SND1: variants seen among roughly 807,000 people sequenced by gnomAD.
The protein encoded by SND1 is staphylococcal nuclease and tudor domain containing 1.
A neutral mutation model predicts 121.7 loss-of-function variants in SND1; 38 were observed. The ratio of observed to expected loss-of-function variants is 0.31; its 90% CI spans 0.24 to 0.41. The LOEUF (loss-of-function observed/expected upper bound fraction) is 0.41, where lower values mean the gene tolerates loss of function less well. Ranked by LOEUF, SND1 falls within the 10% of genes least tolerant of loss-of-function variation. The pLI is 1.00. For synonymous variants in SND1, 401 were observed against 447.4 expected (o/e 0.90, Z 1.31); for missense variants, 868 against 1,184.6 (o/e 0.73, Z 3.92).
At chr7:128,062,088 C>T (rs376463911) in intron 16 of SND1, among the ~76,000 whole-genome samples, 5 of 152,348 alleles carry the variant, frequency 3.3e-5, no homozygotes, top group East Asian at 3.9e-4. Context: ...GCTCCTTAGT[C>T]GGGTGAGAGG....
At chr7:127,849,321 C>A (rs1289022832) in intron 12 of SND1, among the ~76,000 whole-genome samples, 1 of 152,170 alleles carries the variant, frequency 6.6e-6, no homozygotes. Flanking sequence ...GTGACCTTTC[C>A]CTGTGCTGGA....
At chr7:127,949,868 G>A (rs1328309650) in intron 15 of SND1, among the ~76,000 whole-genome samples, 1 of 152,126 alleles carries the variant, frequency 6.6e-6, no homozygotes, top group Non-Finnish European at 1.5e-5. Context: ...CCTTTCCCTT[G>A]TCATTTGGTG....
chr7:127,794,509 T>C (rs1282094565), intron 10 of SND1, among the ~76,000 whole-genome samples: 6 of 152,220 alleles, frequency 3.9e-5, no homozygotes, highest in Non-Finnish European at 5.9e-5. Context: ...TTTAATATGG[T>C]GAAGAAAGGA....
intron 13 of SND1, among the ~76,000 whole-genome samples, chr7:127,892,334 T>C (rs1389405673): frequency 6.6e-6 from 1 of 152,070 alleles, no homozygotes; most frequent in Non-Finnish European, 1.5e-5. Context: ...GGAGACTAGA[T>C]GAGACAGAGG....
chr7:127,910,638 G>T (rs1800434717), intron 14 of SND1, among the ~76,000 whole-genome samples: 1 of 152,036 alleles, frequency 6.6e-6, no homozygotes, highest in African/African-American at 2.4e-5. Flanking sequence ...GTTCCTTTCA[G>T]CTTTCTGTTT....
In SND1 at chr7:128,092,321, CT is replaced by C. The variant is rs537858950; in HGVS notation, c.*270del. 9.2e-3 allele frequency: 3,954 copies of C among 430,518 alleles called. No homozygotes were observed. Among genetic ancestry groups the C allele is most frequent in the Non-Finnish European group, 0.012 (2,977 of 239,256 alleles). The allele number at this position is 430,518 out of a possible 1,614,324, so 26.7% of individuals were successfully genotyped here. A position where few individuals can be genotyped will look rare whatever the true frequency, so the allele number is the denominator to read the frequency against. On this transcript the variant is annotated 3_prime_UTR_variant, in exon 24 of 24. Transcript: ENST00000354725. This position sits in a 1 kb window ranked among gnomAD's most constrained non-coding sequence, Gnocchi z 4.9. ...TTGGTTTTATTTGGAGGTTTGTGGG[CT>C]TTTTTTAAAAAAAAAAAGTCCTCAA...
intron 14 of SND1, among the ~76,000 whole-genome samples, chr7:127,927,582 C>G (rs1800866934): frequency 6.6e-6 from 1 of 152,218 alleles, no homozygotes; most frequent in Admixed American, 6.5e-5. Context: ...TTCCAACCCC[C>G]TAAAGCTCAT....
chr7:127,921,923 T>C lies in SND1; in HGVS notation c.1528-7265T>C, dbSNP rs186417258. Reference sequence around the variant, plus strand: ...AATTTATACCCAGTTGAGGGATATTTAGGTTATTTCCAATTTTAGTGATTA... The same window carrying C: ...AATTTATACCCAGTTGAGGGATATTCAGGTTATTTCCAATTTTAGTGATTA... On this transcript the variant is annotated intron_variant, in intron 14 of 23. Transcript: ENST00000354725. 2.1e-3 allele frequency among the ~76,000 whole-genome samples: 322 copies of C among 152,298 alleles called. 3 individuals carry two copies. Among genetic ancestry groups the C allele is most frequent in the South Asian group, 1.7e-3 (8 of 4,828 alleles).
rs1802060024 is a variant in SND1, at chr7:127,974,035, A to AGTG, written c.1670-16911_1670-16909dup. Among the ~76,000 whole-genome samples the AGTG allele has an allele frequency of 2.0e-5, 3 of 152,318 alleles. No homozygotes were observed. In the South Asian group the frequency reaches 6.2e-4, roughly 32 times the overall value. On this transcript the variant is annotated intron_variant, in intron 15 of 23. Coordinates refer to ENST00000354725, the MANE Select transcript of SND1 (RefSeq NM_014390.4). ...CAGCAGACAGTACTGCCTCTCTGGG[A>AGTG]GTGCTACTGTCTTCCAGCAAGCTAG...
intron 15 of SND1, among the ~76,000 whole-genome samples, chr7:127,987,242 C>T (rs1802413140): frequency 6.6e-6 from 1 of 152,202 alleles, no homozygotes; most frequent in South Asian, 2.1e-4. Context: ...GCATCAGCAG[C>T]CTTGGGTTTG....
At chr7:127,717,079 AG>A (rs1478278417) in intron 9 of SND1, among the ~76,000 whole-genome samples, 4 of 152,218 alleles carry the variant, frequency 2.6e-5, no homozygotes, top group Admixed American at 2.0e-4. Context: ...TTCATTTTTT[AG>A]GTCACTCTTT....
Position 127,802,903 on chromosome 7 carries a change from G to A in SND1, c.1153-4581G>A, listed in dbSNP as rs536605960. ...TTCTTTCATTCCTAACGTTCCATCC[G>A]TCTTCTTTCAGAATGTATCCAGTTC... On this transcript the variant is annotated intron_variant, in intron 10 of 23. Transcript: ENST00000354725. 1.2e-4 allele frequency among the ~76,000 whole-genome samples: 18 copies of A among 152,116 alleles called. No individual in the cohort carries two copies. In the East Asian group the frequency reaches 2.9e-3, roughly 25 times the overall value.
chr7:128,062,357 G>A (rs562362492), intron 16 of SND1, among the ~76,000 whole-genome samples: 60 of 152,258 alleles, frequency 3.9e-4, no homozygotes, highest in African/African-American at 1.4e-3. Flanking sequence ...CAGAGGGGAT[G>A]GTACCTTCAA....
At chr7:128,058,236 A>G (rs1188770410) in intron 16 of SND1, among the ~76,000 whole-genome samples, 4 of 152,270 alleles carry the variant, frequency 2.6e-5, no homozygotes, top group African/African-American at 7.2e-5. Context: ...TACACTCAAC[A>G]TACGTTTCTA....
At chr7:127,987,726 G>C (rs1802427069) in intron 15 of SND1, among the ~76,000 whole-genome samples, 1 of 147,410 alleles carries the variant, frequency 6.8e-6, no homozygotes, top group African/African-American at 2.7e-5. Flanking sequence ...TGTCCCACTA[G>C]AGGTTTTAAA....
intron 10 of SND1, among the ~76,000 whole-genome samples, chr7:127,788,904 A>C (rs1797861275): frequency 1.3e-5 from 2 of 152,126 alleles, no homozygotes; most frequent in Non-Finnish European, 2.9e-5. Flanking sequence ...AGCATATCTG[A>C]CCTTTTCAAG....
chr7:127,820,046 G>A (rs1017428075), intron 11 of SND1, among the ~76,000 whole-genome samples: 2 of 152,144 alleles, frequency 1.3e-5, no homozygotes, highest in South Asian at 4.1e-4. Context: ...TACAAGCTAG[G>A]AGATTGAATT....
chr7:127,927,642 C>T (rs143928841), intron 14 of SND1, among the ~76,000 whole-genome samples: 2 of 152,176 alleles, frequency 1.3e-5, no homozygotes, highest in Non-Finnish European at 2.9e-5. Flanking sequence ...GAGAATGGAT[C>T]GCTGTCTCTC....
intron 16 of SND1, among the ~76,000 whole-genome samples, chr7:128,055,364 C>T (rs1386946337): frequency 1.3e-5 from 2 of 152,138 alleles, no homozygotes; most frequent in Non-Finnish European, 2.9e-5. Flanking sequence ...AAAGTTAGAG[C>T]CCCTCTCTGG....
Sources: allele counts gnomAD v4.1 joint callset (sites outside exome capture counted in the v4.1 genomes callset), GRCh38; gene constraint gnomAD v4.1.1; non-coding constraint Gnocchi (gnomAD v3.1); transcripts MANE v1.5; gene names NCBI Gene and HGNC (gene_info 2026-07-23, HGNC 2026-07-21).